Variants in CCDC171 observed in about 807,000 individuals in gnomAD.
The protein encoded by CCDC171 is coiled-coil domain-containing protein 171.
A neutral mutation model predicts 168.2 loss-of-function variants in CCDC171; 177 were observed. The observed-to-expected ratio is 1.05, with a 90% CI of 0.93 to 1.19. The LOEUF is 1.19. CCDC171 is among the 50% of genes most tolerant of loss of function. The probability of loss-of-function intolerance (pLI) is 0.00; values close to 1 mark genes in which losing one functional copy is unlikely to be tolerated. For synonymous variants in CCDC171, 687 were observed against 540.8 expected (o/e 1.27, Z -3.75); for missense variants, 1,991 against 1,539.0 (o/e 1.29, Z -4.91).
chr9:15,605,803 C>T (rs1469470448), intron 6 of CCDC171, among the ~76,000 whole-genome samples: 1 of 152,136 alleles, frequency 6.6e-6, no homozygotes, highest in African/African-American at 2.4e-5. Flanking sequence ...AGAAGCATTA[C>T]GTTTTTACAT....
rs1206075602 is a variant in CCDC171, at chr9:15,865,747, T to C, written c.3469-8785T>C. 2.6e-5 allele frequency among the ~76,000 whole-genome samples: 4 copies of C among 151,940 alleles called. No homozygotes were observed. The East Asian group carries it at 7.7e-4, about 29-fold the overall frequency. ...GTAAGGCTTCCAATAGTAGACTGTTTGTAGTTAAGTTTTGGGGGAGTCAGA... is the reference window on the plus strand; with the variant it reads ...GTAAGGCTTCCAATAGTAGACTGTTCGTAGTTAAGTTTTGGGGGAGTCAGA... On this transcript the variant is annotated intron_variant, in intron 23 of 25. Transcript: ENST00000380701.
chr9:15,747,069 G>A (rs1032995455), intron 18 of CCDC171, among the ~76,000 whole-genome samples: 5 of 152,210 alleles, frequency 3.3e-5, no homozygotes, highest in Admixed American at 1.3e-4. Flanking sequence ...GGAGCTTGGC[G>A]GGGGGAGGGC....
At chr9:15,836,643 G>A (rs912301039) in intron 21 of CCDC171, among the ~76,000 whole-genome samples, 2 of 152,180 alleles carry the variant, frequency 1.3e-5, no homozygotes, top group African/African-American at 4.8e-5. Flanking sequence ...GAGCCACCGC[G>A]CCCGGCCGGT....
the CCDC171 span, among the ~76,000 whole-genome samples, chr9:16,098,054 A>C: frequency 6.6e-6 from 1 of 152,198 alleles, no homozygotes; most frequent in African/African-American, 2.4e-5. Flanking sequence ...ACACGAAAAC[A>C]ATCAGCGTAG....
chr9:15,616,163 G>A (rs778627641), intron 6 of CCDC171, among the ~76,000 whole-genome samples: 5 of 151,968 alleles, frequency 3.3e-5, no homozygotes, highest in Non-Finnish European at 7.4e-5. Context: ...TGTTGGCCAG[G>A]TTGGTCTCGA....
intron 23 of CCDC171, among the ~76,000 whole-genome samples, chr9:15,849,828 TATTA>T (rs2061051466): frequency 6.6e-6 from 1 of 151,898 alleles, no homozygotes; most frequent in Non-Finnish European, 1.5e-5. Flanking sequence ...TTGAAGGGCA[TATTA>T]AATAAAATTA....
intron 3 of CCDC171, among the ~76,000 whole-genome samples, chr9:16,012,570 A>AT (rs1017939641): frequency 1.1e-4 from 15 of 142,742 alleles, no homozygotes; most frequent in Admixed American, 2.9e-4. Context: ...AACCCGGATA[A>AT]TTTTTTTTTT....
chr9:15,798,954 A>G (rs2058686865), intron 21 of CCDC171, among the ~76,000 whole-genome samples: 1 of 151,706 alleles, frequency 6.6e-6, no homozygotes, highest in Non-Finnish European at 1.5e-5. Context: ...GTATAATACA[A>G]AAATCTTACA....
At chr9:15,905,849 C>G (rs1373301098) in intron 24 of CCDC171, among the ~76,000 whole-genome samples, 2 of 152,078 alleles carry the variant, frequency 1.3e-5, no homozygotes, top group African/African-American at 4.8e-5. Context: ...ATATCACCAC[C>G]AATCCCAAAG....
chr9:15,904,872 C>G (rs1198778470), intron 24 of CCDC171, among the ~76,000 whole-genome samples: 2 of 151,468 alleles, frequency 1.3e-5, no homozygotes, highest in African/African-American at 4.8e-5. Context: ...GGTTGCAATC[C>G]TAGTCTCTGA....
At chr9:15,646,701 C>G (rs933620702) in intron 7 of CCDC171, among the ~76,000 whole-genome samples, 5 of 152,102 alleles carry the variant, frequency 3.3e-5, no homozygotes, top group African/African-American at 9.7e-5. Context: ...GAAGAGCTAA[C>G]TATCCTAAAT....
At chr9:15,834,503 G>A (rs1024232897) in intron 21 of CCDC171, among the ~76,000 whole-genome samples, 3 of 151,938 alleles carry the variant, frequency 2.0e-5, no homozygotes, top group Admixed American at 6.5e-5. Flanking sequence ...ATGTTATTTC[G>A]GAAAACACCA....
chr9:15,600,511 G>T (rs1003159360), intron 6 of CCDC171, among the ~76,000 whole-genome samples: 8 of 152,274 alleles, frequency 5.3e-5, no homozygotes, highest in South Asian at 4.1e-4. Flanking sequence ...TGTCGCAGAG[G>T]AGTACCCGGC....
chr9:15,811,324 A>C (rs1013873134), intron 21 of CCDC171, among the ~76,000 whole-genome samples: 3 of 152,220 alleles, frequency 2.0e-5, no homozygotes, highest in East Asian at 3.8e-4. Flanking sequence ...GATACAGCAT[A>C]CCTCTCTGTT....
chr9:15,740,134 A>G (rs2054765314), intron 16 of CCDC171, among the ~76,000 whole-genome samples: 2 of 152,094 alleles, frequency 1.3e-5, no homozygotes. Context: ...AAGATTAAGT[A>G]ATTTGCCTGT....
At chr9:15,715,045 A>C (rs1311321559) in intron 11 of CCDC171, among the ~76,000 whole-genome samples, 2 of 152,180 alleles carry the variant, frequency 1.3e-5, no homozygotes, top group African/African-American at 4.8e-5. Context: ...CACTTGCACT[A>C]AATTCAGGGA....
At chr9:15,703,874 GGGCATGGTTTGT>G (rs2051998434) in intron 11 of CCDC171, among the ~76,000 whole-genome samples, 2 of 152,198 alleles carry the variant, frequency 1.3e-5, no homozygotes, top group African/African-American at 2.4e-5. Flanking sequence ...CATCTTCTAT[GGGCATGGTTTGT>G]GGTGTCCCAA....
chr9:16,073,175 C>T, the CCDC171 span, among the ~76,000 whole-genome samples: 1 of 152,208 alleles, frequency 6.6e-6, no homozygotes, highest in African/African-American at 2.4e-5. Flanking sequence ...AAATAAGGAA[C>T]TGGAGTCAGC....
chr9:15,588,372 T>G (rs1317684447), intron 4 of CCDC171: 1 of 252,942 alleles, frequency 4.0e-6, no homozygotes, highest in Non-Finnish European at 8.2e-6. Flanking sequence ...AGAGAAAGCC[T>G]GAAGGGGATG....
Sources: allele counts gnomAD v4.1 joint callset (sites outside exome capture counted in the v4.1 genomes callset), GRCh38; gene constraint gnomAD v4.1.1; transcripts MANE v1.5; gene names NCBI Gene and HGNC (gene_info 2026-07-23, HGNC 2026-07-21).